PTK2: variants seen among roughly 807,000 people sequenced by gnomAD.
PTK2 encodes focal adhesion kinase 1.
Under a neutral mutation model 150.1 loss-of-function variants are expected in PTK2, and 45 were observed. The observed-to-expected ratio is 0.30, with a 90% CI of 0.24 to 0.38. The LOEUF (loss-of-function observed/expected upper bound fraction) is 0.38. Ranked by LOEUF, PTK2 falls within the 10% of genes least tolerant of loss-of-function variation. PTK2 has a pLI of 1.00. For synonymous variants in PTK2, 432 were observed against 449.2 expected, an observed-to-expected ratio of 0.96 and a Z score of 0.48; for missense variants, 919 against 1,307.3, an observed-to-expected ratio of 0.70 and a Z score of 4.58.
chr8:140,927,975 A>AAAAAAAAAAAAAAAAAAAAAAAAAAATAT, intron 1 of PTK2, among the ~76,000 whole-genome samples: 1 of 48,194 alleles, frequency 2.1e-5, no homozygotes, highest in African/African-American at 9.8e-5. Flanking sequence ...AAAAAAAAAA[A>AAAAAAAAAAAAAAAAAAAAAAAAAAATAT]ATATATATAT....
intron 1 of PTK2, among the ~76,000 whole-genome samples, chr8:140,929,757 CTT>C (rs35397973): frequency 6.7e-6 from 1 of 148,800 alleles, no homozygotes. Flanking sequence ...GACCCTGGCA[CTT>C]TTTTTTTTTA....
rs573060870 is a variant in PTK2 at position 140,767,264 on chromosome 8, T to C, written c.1178-2974A>G. ...AGAAAACCTGTAAATTTCTTTCTTT[T>C]TTTTTTTTAGCTGGATGAATTGTAC... On this transcript the variant is annotated intron_variant, in intron 14 of 31. Transcript: ENST00000522684. 3.3e-5 allele frequency among the ~76,000 whole-genome samples: 5 copies of C among 152,040 alleles called. No individual in the cohort carries two copies. In the South Asian group the frequency reaches 8.3e-4, roughly 25 times the overall value.
chr8:140,913,974 C>T (rs935029747), intron 2 of PTK2, among the ~76,000 whole-genome samples: 2 of 152,120 alleles, frequency 1.3e-5, no homozygotes, highest in Non-Finnish European at 2.9e-5. Flanking sequence ...CCAAAGATTT[C>T]ATTACTGTTT....
At chr8:140,674,355 A>G (rs1402575602) in exon 29 of PTK2, 2 of 1,607,852 alleles carry the variant, frequency 1.2e-6, no homozygotes, top group Non-Finnish European at 1.7e-6. Context: ...GGCTTCCCAG[A>G]TGACCGGGAG....
chr8:140,881,763 T>C (rs962484670), intron 3 of PTK2, among the ~76,000 whole-genome samples: 1 of 152,228 alleles, frequency 6.6e-6, no homozygotes, highest in African/African-American at 2.4e-5. Flanking sequence ...TCACTTCATC[T>C]CTGCTGAACT....
intron 14 of PTK2, among the ~76,000 whole-genome samples, chr8:140,786,091 G>C (rs1211690368): frequency 6.6e-6 from 1 of 152,198 alleles, no homozygotes. Context: ...ATAGTGCTCA[G>C]CACGCTGCAG....
At chr8:140,995,742 C>T (rs1327989949) in intron 1 of PTK2, among the ~76,000 whole-genome samples, 2 of 152,040 alleles carry the variant, frequency 1.3e-5, no homozygotes, top group African/African-American at 4.8e-5. Context: ...TGCATCACTG[C>T]ACTCCAGCCT....
chr8:140,940,281 G>C (rs2100175189), intron 1 of PTK2, among the ~76,000 whole-genome samples: 2 of 152,174 alleles, frequency 1.3e-5, no homozygotes, highest in South Asian at 2.1e-4. Flanking sequence ...CCTGAAGCCA[G>C]GAGTTCGAGA....
At chr8:140,749,450 C>A (rs1040223838) in intron 17 of PTK2, among the ~76,000 whole-genome samples, 2 of 152,154 alleles carry the variant, frequency 1.3e-5, no homozygotes, top group African/African-American at 4.8e-5. Context: ...AGTCTTGTGG[C>A]CACTAGGAAA....
chr8:140,722,633 C>CAG (rs2100043594), intron 22 of PTK2, among the ~76,000 whole-genome samples: 1 of 152,124 alleles, frequency 6.6e-6, no homozygotes, highest in Admixed American at 6.5e-5. Context: ...GGAGACCAGT[C>CAG]AGAGACCAGG....
Position 140,989,414 on chromosome 8 carries a change from A to T in PTK2, c.-122+11711T>A, listed in dbSNP as rs1465010006. On this transcript the variant is annotated intron_variant, in intron 1 of 31. Transcript: ENST00000522684. The stretch of plus-strand genomic sequence containing the variant: ...ATCTCAAAAAAACAAACAAACAAAA[A>T]AACTACTGAGACTCAGTGAAACCGC... 5.3e-5 allele frequency among the ~76,000 whole-genome samples: 8 copies of T among 151,686 alleles called. No individual in the cohort carries two copies. The South Asian group carries it at 1.3e-3, about 24-fold the overall frequency.
intron 2 of PTK2, among the ~76,000 whole-genome samples, chr8:140,891,977 G>C (rs551931353): frequency 6.6e-6 from 1 of 151,828 alleles, no homozygotes; most frequent in Admixed American, 6.6e-5. Flanking sequence ...AGGCTGAGGC[G>C]GGAAGACTGC....
At position 140,965,464 on chromosome 8, in the gene PTK2, T is replaced by A. The variant is rs115724140; in HGVS notation, c.-122+35661A>T. On this transcript the variant is annotated intron_variant, in intron 1 of 31. Transcript: ENST00000522684. The stretch of plus-strand genomic sequence containing the variant: ...CACAAGCCATGCACTGCACAAGGTA[T>A]TGGACATGCACGGTACCAGAGACAT... Among the ~76,000 whole-genome samples the A allele has an allele frequency of 2.3e-3, 352 of 152,266 alleles. 1 individual carries two copies. Among genetic ancestry groups the A allele is most frequent in the African/African-American group, 7.9e-3 (327 of 41,562 alleles).
At chr8:140,935,161 T>A (rs566325623) in intron 1 of PTK2, among the ~76,000 whole-genome samples, 2 of 152,306 alleles carry the variant, frequency 1.3e-5, no homozygotes, top group Admixed American at 1.3e-4. Context: ...TTATTTTATA[T>A]CTATTAGACA....
intron 24 of PTK2, among the ~76,000 whole-genome samples, chr8:140,705,325 A>G (rs1187398384): frequency 1.3e-5 from 2 of 152,152 alleles, no homozygotes; most frequent in African/African-American, 4.8e-5. Context: ...GACACCTTCA[A>G]TAGGACTCTG....
At chr8:140,693,790 A>G (rs2100024696) in intron 26 of PTK2, among the ~76,000 whole-genome samples, 1 of 152,030 alleles carries the variant, frequency 6.6e-6, no homozygotes, top group African/African-American at 2.4e-5. Context: ...AGCAACCATA[A>G]AAAATGATGT....
At chr8:140,803,730 C>T in intron 10 of PTK2, 80 bp from the exon 11 acceptor site, 3 of 1,302,156 alleles carry the variant, frequency 2.3e-6, no homozygotes, top group South Asian at 2.4e-5. Flanking sequence ...CTGTGAAATC[C>T]TCGTTGTCCT....
intron 11 of PTK2, 72 bp from the exon 12 acceptor site, chr8:140,800,648 C>T (rs2100094505): frequency 8.9e-7 from 1 of 1,123,764 alleles, no homozygotes; most frequent in Non-Finnish European, 1.3e-6. Flanking sequence ...TGTGCTATGA[C>T]ATCAGACATC....
At chr8:140,745,397 A>C (rs2100058126) in intron 18 of PTK2, among the ~76,000 whole-genome samples, 1 of 152,248 alleles carries the variant, frequency 6.6e-6, no homozygotes, top group Non-Finnish European at 1.5e-5. Flanking sequence ...AATTCTAAAT[A>C]ATTGATGAGA....
Sources: allele counts gnomAD v4.1 joint callset (sites outside exome capture counted in the v4.1 genomes callset), GRCh38; gene constraint gnomAD v4.1.1; transcripts MANE v1.5; gene names NCBI Gene and HGNC (gene_info 2026-07-23, HGNC 2026-07-21).